FSHR: variants seen among roughly 807,000 people sequenced by gnomAD.
FSHR encodes follicle stimulating hormone receptor.
Under a neutral mutation model 52.1 loss-of-function variants are expected in FSHR, and 46 were observed. The observed-to-expected ratio is 0.88, with a 90% CI of 0.70 to 1.13. The LOEUF (loss-of-function observed/expected upper bound fraction) is 1.13, where lower values mean the gene tolerates loss of function less well. Ranked by LOEUF, FSHR falls within the 50% of genes most tolerant of loss-of-function variation. The pLI is 0.00. For synonymous variants in FSHR, 399 were observed against 309.6 expected (o/e 1.29, Z -3.03); for missense variants, 964 against 834.6 (o/e 1.16, Z -1.91).
intron 3 of FSHR, among the ~76,000 whole-genome samples, chr2:49,017,955 TTGTC>T (rs1267299286): frequency 2.6e-5 from 4 of 151,776 alleles, no homozygotes; most frequent in South Asian, 4.2e-4. Context: ...AAATGAGTGT[TTGTC>T]TGGTCGGGAG....
At chr2:49,104,857 G>C (rs1177338352) in intron 1 of FSHR, among the ~76,000 whole-genome samples, 3 of 151,598 alleles carry the variant, frequency 2.0e-5, no homozygotes, top group Non-Finnish European at 2.9e-5. Context: ...GGAAAGAGAT[G>C]GGGGGAGGGG....
At chr2:49,108,708 G>T (rs1314439028) in intron 1 of FSHR, among the ~76,000 whole-genome samples, 1 of 152,136 alleles carries the variant, frequency 6.6e-6, no homozygotes. Context: ...ATTAGTGCAG[G>T]GTGGCTTTTG....
intron 1 of FSHR, among the ~76,000 whole-genome samples, chr2:49,079,993 A>G (rs189355740): frequency 2.0e-4 from 31 of 152,292 alleles, no homozygotes; most frequent in African/African-American, 6.7e-4. Context: ...GAAATTTGCT[A>G]AATAATAAGA....
At chr2:49,093,947 T>A (rs1050563955) in intron 1 of FSHR, among the ~76,000 whole-genome samples, 1 of 152,172 alleles carries the variant, frequency 6.6e-6, no homozygotes, top group Non-Finnish European at 1.5e-5. Context: ...ACATAGCACA[T>A]AGTTGAATAT....
At chr2:48,973,036 T>G (rs1358489970) in intron 8 of FSHR, among the ~76,000 whole-genome samples, 1 of 152,220 alleles carries the variant, frequency 6.6e-6, no homozygotes, top group Non-Finnish European at 1.5e-5. Flanking sequence ...GGCAGAACTG[T>G]GATGTCTTCG....
At chr2:49,001,385 G>A (rs957234013) in intron 4 of FSHR, among the ~76,000 whole-genome samples, 1 of 152,130 alleles carries the variant, frequency 6.6e-6, no homozygotes, top group Non-Finnish European at 1.5e-5. Flanking sequence ...TCTTGGTGAT[G>A]TTGCTTCCAT....
At chr2:49,020,280 G>A in intron 2 of FSHR, 120 bp from the exon 3 acceptor site, 1 of 855,484 alleles carries the variant, frequency 1.2e-6, no homozygotes, top group Admixed American at 1.8e-5. Context: ...CTCCTTTCCT[G>A]CCATTAAAGA....
chr2:48,968,738 G>A lies in FSHR; in HGVS notation c.814C>T (p.Pro272Ser). 6.2e-7 allele frequency: 1 copy of A among 1,614,166 alleles called. No individual in the cohort carries two copies. Among genetic ancestry groups the A allele is most frequent in the Non-Finnish European group, 8.5e-7 (1 of 1,180,004 alleles). Residue 272 changes from proline (P) to serine (S), a missense_variant, in exon 9 of 10, where the codon CCC becomes TCC. Physicochemically the swap from Pro to Ser is moderately conservative, Grantham distance 74 (BLOSUM62 -1). Transcript: ENST00000406846. ...VALMEASLTY[P>S]SHCCAFANWR... ...TTTGCAAAGGCACAGCAATGGCTGG[G>A]ATAGGTGAGGCTGGCTTCCATGAGG...
intron 2 of FSHR, among the ~76,000 whole-genome samples, chr2:49,059,447 C>T (rs1036348102): frequency 2.6e-5 from 4 of 151,248 alleles, no homozygotes; most frequent in Admixed American, 6.6e-5. Flanking sequence ...ACCAATGGAA[C>T]AGAATAGAGA....
chr2:49,119,399 T>G, intron 1 of FSHR, among the ~76,000 whole-genome samples: 1 of 149,968 alleles, frequency 6.7e-6, no homozygotes, highest in South Asian at 2.1e-4. Context: ...TTGTTTTTGT[T>G]TTTGTTTTTT....
At position 49,015,007 on chromosome 2, in the gene FSHR, A is replaced by G. The variant is rs1028182077; in HGVS notation, c.374+2482T>C. The G allele has an allele frequency of 1.1e-4, 45 of 415,496 alleles. No homozygotes were observed. The Admixed American group carries it at 1.5e-3, about 14-fold the overall frequency. The allele number at this position is 415,496 out of a possible 1,614,324, so 25.7% of individuals were successfully genotyped here. ...AAAGAATGAAGGAAACTAACTGGGT[A>G]ACAGGCACTAATAATTTTATATTTC... is the stretch of plus-strand genomic sequence containing the variant. On this transcript the variant is annotated intron_variant, in intron 4 of 9. Transcript: ENST00000406846.
At chr2:49,002,925 GAGACCA>G (rs1457351311) in intron 4 of FSHR, among the ~76,000 whole-genome samples, 1 of 152,130 alleles carries the variant, frequency 6.6e-6, no homozygotes, top group Non-Finnish European at 1.5e-5. Flanking sequence ...ATTGTCCAGA[GAGACCA>G]TGATGGATGA....
At chr2:49,087,098 T>TTA (rs1553342899) in intron 1 of FSHR, among the ~76,000 whole-genome samples, 3 of 147,028 alleles carry the variant, frequency 2.0e-5, no homozygotes, top group African/African-American at 7.6e-5. Flanking sequence ...TTTTTTTTTT[T>TTA]ACAAAGCTAC....
chr2:49,106,827 AGG>A (rs1352086850), intron 1 of FSHR, among the ~76,000 whole-genome samples: 1 of 152,142 alleles, frequency 6.6e-6, no homozygotes, highest in Non-Finnish European at 1.5e-5. Flanking sequence ...GTCTGCGAGA[AGG>A]CTACATATGT....
intron 2 of FSHR, among the ~76,000 whole-genome samples, chr2:49,067,557 T>C (rs1188882012): frequency 1.3e-5 from 2 of 152,090 alleles, no homozygotes; most frequent in African/African-American, 2.4e-5. Context: ...CAGGAGGTGA[T>C]ACCAAGAGCT....
chr2:49,016,323 C>G (rs1432056040), intron 4 of FSHR, among the ~76,000 whole-genome samples: 1 of 152,182 alleles, frequency 6.6e-6, no homozygotes, highest in African/African-American at 2.4e-5. Context: ...CTTTTCCCAT[C>G]AAGAAGTAGC....
At chr2:49,051,939 GA>G (rs1558412059) in intron 2 of FSHR, among the ~76,000 whole-genome samples, 1 of 151,884 alleles carries the variant, frequency 6.6e-6, no homozygotes, top group South Asian at 2.1e-4. Flanking sequence ...ATCATTTGTG[GA>G]AAAAAACTAT....
At chr2:48,964,248 C>T (rs1169250203) in intron 9 of FSHR, among the ~76,000 whole-genome samples, 1 of 152,086 alleles carries the variant, frequency 6.6e-6, no homozygotes, top group Non-Finnish European at 1.5e-5. Flanking sequence ...CTAAGCCTTG[C>T]TGTTAAGTGA....
chr2:49,116,975 G>A (rs1307504939), intron 1 of FSHR, among the ~76,000 whole-genome samples: 1 of 152,168 alleles, frequency 6.6e-6, no homozygotes, highest in Non-Finnish European at 1.5e-5. Flanking sequence ...GCTCTAAGAG[G>A]AAAAACCAAG....
Sources: allele counts gnomAD v4.1 joint callset (sites outside exome capture counted in the v4.1 genomes callset), GRCh38; gene constraint gnomAD v4.1.1; transcripts MANE v1.5; gene names NCBI Gene and HGNC (gene_info 2026-07-23, HGNC 2026-07-21).